The following ACSM3 variants were observed in gnomAD, a reference collection of about 807,000 sequenced individuals.
ACSM3 encodes the protein acyl-coenzyme A synthetase ACSM3, mitochondrial.
A neutral mutation model predicts 74.1 loss-of-function variants in ACSM3; 61 were observed. The observed-to-expected ratio is 0.82, with a 90% CI of 0.67 to 1.02. ACSM3 has a LOEUF of 1.02. ACSM3 is among the 50% of genes least tolerant of loss of function. The probability of loss-of-function intolerance (pLI) is 0.00; values close to 1 mark genes in which losing one functional copy is unlikely to be tolerated. For synonymous variants in ACSM3, 213 were observed against 241.5 expected (o/e 0.88, Z 1.09); for missense variants, 660 against 697.0 (o/e 0.95, Z 0.60).
chr16:20,796,165 T>G (rs1596545554), intron 12 of ACSM3: 1 of 768,562 alleles, frequency 1.3e-6, no homozygotes. Context: ...TGAGGCTGGG[T>G]TGTTACAGGG....
At chr16:20,755,781 C>A (rs1461828554) in intron 3 of ACSM3, among the ~76,000 whole-genome samples, 3 of 64,608 alleles carry the variant, frequency 4.6e-5, no homozygotes, top group African/African-American at 5.9e-5. Context: ...GCTATCCCTC[C>A]CCCCCCCCCA....
chr16:20,718,845 T>G lies in ACSM3; in HGVS notation c.-189-31065T>G, dbSNP rs186028383. On this transcript the variant is annotated intron_variant, in intron 1 of 3. Coordinates refer to the ACSM3 transcript ENST00000561584. ...TTTTCCTAATAGCATTTACACTATT[T>G]AAAATAATGATATACTTAATTCACT... Among the ~76,000 whole-genome samples the G allele has an allele frequency of 3.5e-3, 532 of 152,314 alleles. 2 individuals are homozygous for G. The highest frequency in any genetic ancestry group is 0.013 in the African/African-American group (525 of 41,568).
chr16:20,796,372 A>G lies in ACSM3; in HGVS notation c.1557A>G (p.Val519=). The change falls in exon 13 of 14, where the codon GTA becomes GTG. Residue 519 remains valine (V), a splice_region_variant and synonymous_variant. Transcript: ENST00000289416. The part of the protein sequence containing the change: ...VSSPDPIRGE[V]VKAFVVLNPD... ...GGTGTTTCAAATATTTATTTTAGGT[A>G]GTAAAGGCTTTTGTCGTTCTAAATC... 6.2e-7 allele frequency: 1 copy of G among 1,609,280 alleles called. No individual in the cohort carries two copies.
At chr16:20,748,180 T>C (rs1006440381) in intron 1 of ACSM3, among the ~76,000 whole-genome samples, 1 of 151,848 alleles carries the variant, frequency 6.6e-6, no homozygotes, top group Non-Finnish European at 1.5e-5. Flanking sequence ...AATAAATAAA[T>C]AAACAAAGAG....
chr16:20,681,306 G>A lies in ACSM3; in HGVS notation c.-190+6484G>A, dbSNP rs1316675137. 2.6e-5 allele frequency: 4 copies of A among 152,194 alleles called. No homozygotes were observed. In the East Asian group the frequency reaches 7.7e-4, roughly 29 times the overall value. The allele number at this position is 152,194 out of a possible 1,614,324, so 9.4% of individuals were successfully genotyped here. On this transcript the variant is annotated intron_variant, in intron 1 of 3. Coordinates refer to the ACSM3 transcript ENST00000561584. ...TTAGCCTCTGAAGGAAGAGTATGTG[G>A]AAAATTTAATTTAACCAACTGTTGC...
At chr16:20,676,542 T>C (rs779575355) in intron 1 of ACSM3, among the ~76,000 whole-genome samples, 3 of 152,156 alleles carry the variant, frequency 2.0e-5, no homozygotes, top group Admixed American at 6.5e-5. Context: ...AGAAGCTCCG[T>C]AGGTGTGAAT....
At chr16:20,735,689 T>G (rs1262506828) in intron 1 of ACSM3, 1 of 152,212 alleles carries the variant, frequency 6.6e-6, no homozygotes, top group African/African-American at 2.4e-5. Context: ...AAGTTTTCTT[T>G]GAATTTCATC....
chr16:20,774,162 A>G (rs2152458843), intron 2 of ACSM3, among the ~76,000 whole-genome samples: 1 of 151,878 alleles, frequency 6.6e-6, no homozygotes, highest in East Asian at 1.9e-4. Flanking sequence ...TTCATGTGAT[A>G]TAAGCATAGC....
chr16:20,737,570 A>C, intron 1 of ACSM3: 1 of 900,106 alleles, frequency 1.1e-6, no homozygotes. Context: ...CAGTTGATTT[A>C]ATACTATTTT....
rs1410207783 is a variant in ACSM3 at position 20,797,051 on chromosome 16, G to A, written c.*79G>A. ...CTAGAAACCACAAGATGATGGAGAG[G>A]TCATAAAAACTGTGGTAGTATGCTT... On this transcript the variant is annotated 3_prime_UTR_variant, in exon 14 of 14. Coordinates refer to ENST00000289416, the MANE Select transcript of ACSM3 (RefSeq NM_005622.4). The A allele has an allele frequency of 3.5e-5, 54 of 1,537,144 alleles. No homozygotes were observed. The highest frequency in any genetic ancestry group is 4.5e-5 in the Non-Finnish European group (52 of 1,148,220).
chr16:20,700,490 G>A (rs1406360207), intron 1 of ACSM3, among the ~76,000 whole-genome samples: 1 of 151,958 alleles, frequency 6.6e-6, no homozygotes, highest in African/African-American at 2.4e-5. Flanking sequence ...CAGCCAGCTA[G>A]GGAAAAAGAA....
intron 1 of ACSM3, among the ~76,000 whole-genome samples, chr16:20,709,461 G>T (rs2079736898): frequency 6.6e-6 from 1 of 152,188 alleles, no homozygotes. Flanking sequence ...AGTGTATGCA[G>T]TAAAGCCTAA....
Position 20,680,097 on chromosome 16 carries a change from T to G in ACSM3, c.-190+5275T>G, listed in dbSNP as rs556064043. 7 of 152,210 alleles carry G rather than the reference T, an allele frequency of 4.6e-5. No individual in the cohort carries two copies. The Middle Eastern group carries it at 0.01, about 222-fold the overall frequency. The allele number at this position is 152,210 out of a possible 1,614,324, so 9.4% of individuals were successfully genotyped here. The stretch of plus-strand genomic sequence containing the variant: ...ATTCAGTGGTCCACACTAACACAAC[T>G]CCAATATTTATATTCAGGAAGGAGT... On this transcript the variant is annotated intron_variant, in intron 1 of 3. Coordinates refer to the ACSM3 transcript ENST00000561584.
chr16:20,719,849 T>C (rs773710638), intron 1 of ACSM3, among the ~76,000 whole-genome samples: 1 of 152,212 alleles, frequency 6.6e-6, no homozygotes, highest in Admixed American at 6.5e-5. Context: ...CAGAACGTAA[T>C]ACTCTTCTGG....
intron 1 of ACSM3, among the ~76,000 whole-genome samples, chr16:20,739,477 GT>G: frequency 6.6e-6 from 1 of 152,040 alleles, no homozygotes; most frequent in Non-Finnish European, 1.5e-5. Flanking sequence ...AGCTGACTCA[GT>G]ATTGATAATA....
chr16:20,700,711 C>T (rs1314259950), intron 1 of ACSM3, among the ~76,000 whole-genome samples: 1 of 151,716 alleles, frequency 6.6e-6, no homozygotes, highest in Non-Finnish European at 1.5e-5. Flanking sequence ...ATGGAAGTCT[C>T]GTGAAGATTT....
In ACSM3 at chr16:20,780,984, G is replaced by T. The variant is rs758785123; in HGVS notation, c.793G>T (p.Asp265Tyr). 5 of 1,614,134 alleles carry T rather than the reference G, an allele frequency of 3.1e-6. No individual in the cohort carries two copies. The Admixed American group carries it at 8.3e-5, about 27-fold the overall frequency. ...TCTTTGTTTTCCCAGGTTCTGGCTA[G>T]ATTTGACACCCTCAGATGTGATGTG... is the stretch of plus-strand genomic sequence containing the variant. ...GLSVNGRFWL[D>Y]LTPSDVMWNT... Residue 265 changes from aspartate to tyrosine, a missense_variant, in exon 6 of 14, where the codon GAT becomes TAT. By Grantham distance (160) the Asp-to-Tyr change is radical. Transcript: ENST00000289416.
At chr16:20,692,239 A>T (rs1267341969) in intron 1 of ACSM3, among the ~76,000 whole-genome samples, 2 of 152,238 alleles carry the variant, frequency 1.3e-5, no homozygotes, top group Non-Finnish European at 2.9e-5. Flanking sequence ...CCCTCAGGAA[A>T]TCCTGAGACT....
intron 1 of ACSM3, chr16:20,718,434 T>C (rs2079773503): frequency 7.7e-6 from 5 of 653,370 alleles, no homozygotes; most frequent in Non-Finnish European, 1.1e-5. Flanking sequence ...CGACAGGCTC[T>C]CCTAAGATGG....
Sources: gnomAD v4.1 joint callset for allele counts (sites outside exome capture counted in the v4.1 genomes callset) on GRCh38, gnomAD v4.1.1 for gene constraint, MANE v1.5 for transcripts, NCBI Gene and HGNC (gene_info 2026-07-23, HGNC 2026-07-21) for gene names.